The following IL1RAPL1 variants were observed in gnomAD, a reference collection of about 807,000 sequenced individuals.
The protein encoded by IL1RAPL1 is interleukin 1 receptor accessory protein like 1.
A neutral mutation model predicts 48.4 loss-of-function variants in IL1RAPL1; 3 were observed. The ratio of observed to expected loss-of-function variants is 0.06; its 90% CI spans 0.03 to 0.16. IL1RAPL1 has a LOEUF of 0.16. Among genes scored for constraint, IL1RAPL1 ranks in the 10% least tolerant of loss-of-function variants. The pLI is 1.00. For synonymous variants in IL1RAPL1, 185 were observed against 187.7 expected, an observed-to-expected ratio of 0.99 and a Z score of 0.12; for missense variants, 349 against 530.6, an observed-to-expected ratio of 0.66 and a Z score of 3.36.
At chrX:28,599,647 T>C (rs1473507312) in intron 1 of IL1RAPL1, among the ~76,000 whole-genome samples, 3 of 111,701 alleles carry the variant, frequency 2.7e-5, no homozygotes, top group Admixed American at 1.9e-4. Flanking sequence ...TGAGAAATAC[T>C]ACTTGAGGGC....
chrX:28,688,744 G>A (rs1207677477), intron 1 of IL1RAPL1, among the ~76,000 whole-genome samples: 2 of 111,234 alleles, frequency 1.8e-5, no homozygotes, highest in African/African-American at 6.5e-5. Flanking sequence ...TATTTGGTTC[G>A]TGCATGGAAT....
At chrX:29,067,430 A>G (rs1445502970) in intron 2 of IL1RAPL1, among the ~76,000 whole-genome samples, 1 of 112,410 alleles carries the variant, frequency 8.9e-6, no homozygotes, top group Admixed American at 9.5e-5. Flanking sequence ...CTTAAGCGAA[A>G]TGAAGAAAAA....
chrX:29,854,082 C>T (rs1046084524), intron 6 of IL1RAPL1, among the ~76,000 whole-genome samples: 4 of 111,964 alleles, frequency 3.6e-5, no homozygotes, highest in Non-Finnish European at 5.6e-5. Context: ...TTTCGAGGTA[C>T]GAAGGATGAC....
chrX:29,635,056 G>A (rs1458330426), intron 5 of IL1RAPL1, among the ~76,000 whole-genome samples: 2 of 111,274 alleles, frequency 1.8e-5, no homozygotes, highest in African/African-American at 6.5e-5. Context: ...AATTATCAAA[G>A]AGATGACAAG....
At chrX:29,055,790 C>G (rs1370615478) in intron 2 of IL1RAPL1, among the ~76,000 whole-genome samples, 1 of 111,660 alleles carries the variant, frequency 9.0e-6, no homozygotes, top group Non-Finnish European at 1.9e-5. Flanking sequence ...TGTATAAACA[C>G]AGTGTATAGC....
chrX:28,840,124 C>T (rs1020638415), intron 2 of IL1RAPL1, among the ~76,000 whole-genome samples: 1 of 109,983 alleles, frequency 9.1e-6, no homozygotes, highest in Admixed American at 9.7e-5. Context: ...GCAATGGAAA[C>T]AGGCACTTTA....
chrX:29,857,522 A>G (rs908631747), intron 6 of IL1RAPL1, among the ~76,000 whole-genome samples: 5 of 112,007 alleles, frequency 4.5e-5, no homozygotes, highest in Non-Finnish European at 7.5e-5. Flanking sequence ...CCTTTCAAAG[A>G]AAATCTGACA....
At chrX:29,032,704 AGCTT>A (rs1473532374) in intron 2 of IL1RAPL1, among the ~76,000 whole-genome samples, 2 of 111,775 alleles carry the variant, frequency 1.8e-5, no homozygotes, top group African/African-American at 6.5e-5. Context: ...TTTTTCTTCT[AGCTT>A]GCATGCATGC....
chrX:28,973,277 T>C (rs1925128788), intron 2 of IL1RAPL1, among the ~76,000 whole-genome samples: 1 of 112,007 alleles, frequency 8.9e-6, no homozygotes, highest in African/African-American at 3.3e-5. Context: ...CTCATACATA[T>C]TGAATGAGTG....
chrX:28,837,842 A>C (rs1459133127), intron 2 of IL1RAPL1, among the ~76,000 whole-genome samples: 1 of 106,742 alleles, frequency 9.4e-6, no homozygotes, highest in African/African-American at 3.4e-5. Flanking sequence ...AATACCACAT[A>C]CCATCATTTT....
intron 1 of IL1RAPL1, among the ~76,000 whole-genome samples, chrX:28,738,178 A>T (rs1228171801): frequency 4.7e-5 from 5 of 106,301 alleles, no homozygotes; most frequent in African/African-American, 1.4e-4. Flanking sequence ...TCTTTTTTTA[A>T]AAAAAAAAAA....
intron 5 of IL1RAPL1, among the ~76,000 whole-genome samples, chrX:29,584,367 A>G (rs1008214966): frequency 1.5e-4 from 17 of 111,102 alleles, no homozygotes; most frequent in African/African-American, 4.6e-4. Context: ...CTTGACTCCA[A>G]TTTCCATTAT....
intron 6 of IL1RAPL1, among the ~76,000 whole-genome samples, chrX:29,673,772 C>G (rs1005168365): frequency 6.3e-5 from 7 of 111,810 alleles, no homozygotes; most frequent in Non-Finnish European, 9.4e-5. Context: ...CAATTCTACT[C>G]AATCCAAATT....
intron 8 of IL1RAPL1, among the ~76,000 whole-genome samples, chrX:29,940,072 A>G (rs1933100651): frequency 9.1e-6 from 1 of 110,489 alleles, no homozygotes. Context: ...CACGTTGGCC[A>G]GGCTGGTCTC....
At chrX:29,241,714 G>T (rs895429884) in intron 2 of IL1RAPL1, among the ~76,000 whole-genome samples, 5 of 112,130 alleles carry the variant, frequency 4.5e-5, no homozygotes, top group Non-Finnish European at 7.5e-5. Context: ...AATGGAAATG[G>T]TAAATATGAA....
chrX:29,683,858 T>C (rs955095787), intron 6 of IL1RAPL1, among the ~76,000 whole-genome samples: 1 of 112,467 alleles, frequency 8.9e-6, no homozygotes, highest in African/African-American at 3.2e-5. Context: ...TTCAGGTTGC[T>C]AAAACAAAAT....
At chrX:29,088,644 C>A (rs1928008459) in intron 2 of IL1RAPL1, among the ~76,000 whole-genome samples, 1 of 89,151 alleles carries the variant, frequency 1.1e-5, no homozygotes, top group South Asian at 5.8e-4. Context: ...CATTGTACTC[C>A]AGCATGGGCA....
chrX:29,851,206 A>G (rs983890051), intron 6 of IL1RAPL1, among the ~76,000 whole-genome samples: 6 of 111,656 alleles, frequency 5.4e-5, no homozygotes, highest in African/African-American at 2.0e-4. Flanking sequence ...CTCTGGTTGT[A>G]TTTTTAAAAC....
chrX:28,768,785 A>T (rs1416036107), intron 1 of IL1RAPL1, among the ~76,000 whole-genome samples: 13 of 67,886 alleles, frequency 1.9e-4, no homozygotes, highest in Non-Finnish European at 3.3e-4. Flanking sequence ...ATATACACAC[A>T]CTATATATAT....
Sources: allele counts gnomAD v4.1 joint callset (sites outside exome capture counted in the v4.1 genomes callset), GRCh38; gene constraint gnomAD v4.1.1; transcripts MANE v1.5; gene names NCBI Gene and HGNC (gene_info 2026-07-23, HGNC 2026-07-21).